CSMD1: variants seen among roughly 807,000 people sequenced by gnomAD.
The protein encoded by CSMD1 is CUB and sushi domain-containing protein 1.
Under a neutral mutation model 417.5 loss-of-function variants are expected in CSMD1, and 213 were observed. That is an observed-to-expected ratio of 0.51 (90% CI 0.46 to 0.57). CSMD1 has a LOEUF of 0.57. CSMD1 is among the 20% of genes least tolerant of loss of function. CSMD1 has a pLI of 0.00. For synonymous variants in CSMD1, 2,862 were observed against 1,736.8 expected (o/e 1.65, Z -16.11); for missense variants, 6,923 against 4,529.7 (o/e 1.53, Z -15.17).
At chr8:4,440,991 T>C (rs538189785) in intron 2 of CSMD1, among the ~76,000 whole-genome samples, 2 of 135,334 alleles carry the variant, frequency 1.5e-5, no homozygotes, top group African/African-American at 5.1e-5. Flanking sequence ...AGTGAGACTC[T>C]ATCTCAAAAA....
chr8:4,129,438 A>G (rs1802963103), intron 3 of CSMD1, among the ~76,000 whole-genome samples: 1 of 152,178 alleles, frequency 6.6e-6, no homozygotes, highest in South Asian at 2.1e-4. Context: ...AGGTAGATGT[A>G]CTGAGACAGG....
intron 3 of CSMD1, among the ~76,000 whole-genome samples, chr8:4,038,906 C>G (rs780747255): frequency 3.3e-5 from 5 of 152,124 alleles, no homozygotes; most frequent in Non-Finnish European, 5.9e-5. Context: ...CGAAAATTCC[C>G]TCCGTAACAC....
At chr8:4,378,009 T>C (rs999824687) in intron 3 of CSMD1, among the ~76,000 whole-genome samples, 5 of 152,200 alleles carry the variant, frequency 3.3e-5, no homozygotes, top group African/African-American at 9.7e-5. Flanking sequence ...TATTTGTAAT[T>C]CCTTTATTTG....
chr8:4,744,300 C>G (rs1453435405), intron 1 of CSMD1, among the ~76,000 whole-genome samples: 1 of 152,118 alleles, frequency 6.6e-6, no homozygotes, highest in East Asian at 1.9e-4. Context: ...TCCCTTCTTC[C>G]ATTTTGCTTT....
intron 25 of CSMD1, among the ~76,000 whole-genome samples, chr8:3,286,190 C>A (rs547251774): frequency 6.6e-6 from 1 of 152,214 alleles, no homozygotes; most frequent in African/African-American, 2.4e-5. Context: ...CATTCCATGG[C>A]GTATATGTGC....
intron 7 of CSMD1, among the ~76,000 whole-genome samples, chr8:3,650,770 T>C (rs759397292): frequency 1.3e-5 from 2 of 152,216 alleles, no homozygotes; most frequent in Non-Finnish European, 2.9e-5. Context: ...AATGTGATTT[T>C]TTTCTAAAGA....
intron 2 of CSMD1, among the ~76,000 whole-genome samples, chr8:4,569,580 C>T (rs1051769048): frequency 9.2e-5 from 14 of 152,162 alleles, no homozygotes; most frequent in East Asian, 5.8e-4. Context: ...GGTAGTATGA[C>T]GCCTCCAGCT....
intron 5 of CSMD1, among the ~76,000 whole-genome samples, chr8:3,857,885 G>C (rs191811108): frequency 7.2e-5 from 11 of 152,340 alleles, no homozygotes; most frequent in East Asian, 1.9e-4. Flanking sequence ...ATATGTAACA[G>C]GGATTGCTTC....
At chr8:3,339,797 G>A (rs1443607031) in intron 23 of CSMD1, among the ~76,000 whole-genome samples, 1 of 152,076 alleles carries the variant, frequency 6.6e-6, no homozygotes, top group Non-Finnish European at 1.5e-5. Flanking sequence ...GTACAAACAA[G>A]TGGACACTCA....
At chr8:4,559,204 T>C (rs1798222062) in intron 2 of CSMD1, among the ~76,000 whole-genome samples, 2 of 152,324 alleles carry the variant, frequency 1.3e-5, no homozygotes, top group South Asian at 2.1e-4. Flanking sequence ...CTTTAGTCTC[T>C]TATGACTTTA....
chr8:4,611,501 T>C (rs926339543), intron 2 of CSMD1, among the ~76,000 whole-genome samples: 2 of 152,200 alleles, frequency 1.3e-5, no homozygotes, highest in African/African-American at 4.8e-5. Context: ...GATATAAAAC[T>C]TGTGGATAAA....
At chr8:3,524,320 C>T (rs1489008724) in intron 10 of CSMD1, among the ~76,000 whole-genome samples, 4 of 151,544 alleles carry the variant, frequency 2.6e-5, no homozygotes, top group African/African-American at 9.7e-5. Flanking sequence ...CATATGCACA[C>T]ATAAACATGC....
chr8:4,480,229 C>T (rs1028389075), intron 2 of CSMD1, among the ~76,000 whole-genome samples: 2 of 151,100 alleles, frequency 1.3e-5, no homozygotes, highest in African/African-American at 4.9e-5. Context: ...GAAATTACTG[C>T]TGTAAGGAAA....
At chr8:3,084,524 C>CAAAAAAA (rs201491681) in intron 49 of CSMD1, among the ~76,000 whole-genome samples, 1 of 97,528 alleles carries the variant, frequency 1.0e-5, no homozygotes, top group African/African-American at 3.9e-5. Flanking sequence ...AACTCCGTCT[C>CAAAAAAA]AAAAAAAAAA....
chr8:4,761,303 A>G (rs1812025902), intron 1 of CSMD1, among the ~76,000 whole-genome samples: 1 of 152,144 alleles, frequency 6.6e-6, no homozygotes, highest in Non-Finnish European at 1.5e-5. Flanking sequence ...AGGGATTTTG[A>G]ACAACTAATG....
At chr8:4,418,001 A>AT (rs771809686) in intron 3 of CSMD1, among the ~76,000 whole-genome samples, 2 of 151,950 alleles carry the variant, frequency 1.3e-5, no homozygotes, top group Non-Finnish European at 2.9e-5. Context: ...ATAATTGATA[A>AT]TTTTTCTCCA....
intron 5 of CSMD1, among the ~76,000 whole-genome samples, chr8:3,828,219 A>G (rs1802166588): frequency 6.6e-6 from 1 of 152,184 alleles, no homozygotes; most frequent in Admixed American, 6.5e-5. Flanking sequence ...GCTAGAAAAG[A>G]CACTCTTATT....
intron 7 of CSMD1, among the ~76,000 whole-genome samples, chr8:3,678,779 G>C (rs1019696047): frequency 6.6e-6 from 1 of 152,118 alleles, no homozygotes; most frequent in Non-Finnish European, 1.5e-5. Flanking sequence ...GTTAAGTGCA[G>C]CCAGAGAGAA....
chr8:3,501,779 ACTTT>A (rs1433597645), intron 10 of CSMD1, among the ~76,000 whole-genome samples: 2 of 152,202 alleles, frequency 1.3e-5, no homozygotes, highest in African/African-American at 2.4e-5. Flanking sequence ...GAAAATGCAC[ACTTT>A]CTTAGAAAAT....
Sources: allele counts gnomAD v4.1 joint callset (sites outside exome capture counted in the v4.1 genomes callset), GRCh38; gene constraint gnomAD v4.1.1; transcripts MANE v1.5; gene names NCBI Gene and HGNC (gene_info 2026-07-23, HGNC 2026-07-21).